The following MCPH1 variants were observed in gnomAD, a reference collection of about 807,000 sequenced individuals.
MCPH1 encodes the protein microcephalin.
A neutral mutation model predicts 84.5 loss-of-function variants in MCPH1; 104 were observed. That is an observed-to-expected ratio of 1.23 (90% CI 1.05 to 1.45). The LOEUF (loss-of-function observed/expected upper bound fraction) is 1.45. Among genes scored for constraint, MCPH1 ranks in the 40% most tolerant of loss-of-function variants. MCPH1 has a pLI of 0.00. For synonymous variants in MCPH1, 514 were observed against 366.8 expected, an observed-to-expected ratio of 1.40 and a Z score of -4.58; for missense variants, 1,498 against 1,005.7, an observed-to-expected ratio of 1.49 and a Z score of -6.62.
intron 8 of MCPH1, among the ~76,000 whole-genome samples, chr8:6,448,630 T>C (rs1391926097): frequency 6.6e-6 from 1 of 152,222 alleles, no homozygotes; most frequent in African/African-American, 2.4e-5. Context: ...ACATTTCTTG[T>C]GTGTGTGTCT....
intron 12 of MCPH1, among the ~76,000 whole-genome samples, chr8:6,543,012 G>A (rs367956503): frequency 6.6e-6 from 1 of 152,190 alleles, no homozygotes; most frequent in Admixed American, 6.5e-5. Context: ...GAGCGGACTT[G>A]GGAATGCTGA....
Position 6,419,049 on chromosome 8 carries a change from A to G in MCPH1, c.233+4166A>G, listed in dbSNP as rs78632079. Among the ~76,000 whole-genome samples, 650 of 151,974 alleles carry G rather than the reference A, an allele frequency of 4.3e-3. 6 individuals carry two copies. Among genetic ancestry groups the G allele is most frequent in the African/African-American group, 0.015 (624 of 41,374 alleles). ...GTTTTGCTTTTCTTCTGGGACTCCA[A>G]TTATGTTTACGTTGGGCCTGCTTAG... On this transcript the variant is annotated intron_variant, in intron 3 of 13. Transcript: ENST00000344683.
chr8:6,439,301 G>C, intron 6 of MCPH1, among the ~76,000 whole-genome samples: 1 of 150,424 alleles, frequency 6.6e-6, no homozygotes, highest in Non-Finnish European at 1.5e-5. Flanking sequence ...TATTCTTCAA[G>C]TTTAAAATCC....
intron 12 of MCPH1, among the ~76,000 whole-genome samples, chr8:6,536,892 C>T (rs533120276): frequency 6.6e-6 from 1 of 150,716 alleles, no homozygotes; most frequent in East Asian, 2.0e-4. Flanking sequence ...TTTTTACTGG[C>T]TGTGACTGAA....
At chr8:6,465,723 C>G (rs979590046) in intron 9 of MCPH1, among the ~76,000 whole-genome samples, 1 of 152,150 alleles carries the variant, frequency 6.6e-6, no homozygotes, top group African/African-American at 2.4e-5. Context: ...CCACTGACAT[C>G]AGAGACTCAT....
At chr8:6,434,789 G>T (rs1040903767) in intron 4 of MCPH1, among the ~76,000 whole-genome samples, 2 of 152,164 alleles carry the variant, frequency 1.3e-5, no homozygotes, top group Non-Finnish European at 2.9e-5. Flanking sequence ...AGCAAATTTG[G>T]GCTGGTAGCT....
At chr8:6,641,679 G>C (rs937377670) in intron 13 of MCPH1, among the ~76,000 whole-genome samples, 2 of 152,188 alleles carry the variant, frequency 1.3e-5, no homozygotes, top group African/African-American at 4.8e-5. Flanking sequence ...AGGAGACTGA[G>C]GCTGCAGTGA....
Position 6,499,894 on chromosome 8 carries a change from C to G in MCPH1, c.2179C>G (p.Pro727Ala). The change falls in exon 12 of 14, where the codon CCG (proline) becomes GCG (alanine). Residue 727 changes from proline to alanine, a missense_variant. By Grantham distance (27) the Pro-to-Ala change is conservative. Transcript: ENST00000344683. ...LELGHWISEEPFELSHHFPAA... is the reference protein window; with the variant it reads ...LELGHWISEEAFELSHHFPAA... The stretch of plus-strand genomic sequence containing the variant: ...ATTGGGTCACTGGATTTCTGAGGAG[C>G]CGTTCGAACTGTCTCACCACTTCCC... 4.3e-6 allele frequency: 7 copies of G among 1,613,556 alleles called. No individual in the cohort carries two copies. The highest frequency in any genetic ancestry group is 5.9e-6 in the Non-Finnish European group (7 of 1,179,998).
rs183223428 is a variant in MCPH1 at position 6,582,332 on chromosome 8, T to C, written c.2215-39122T>C. The stretch of plus-strand genomic sequence containing the variant: ...TCTCTTTCAATCCTCATAGTAACTC[T>C]TCAACATAGGTAGCCTTATTTTGCA... On this transcript the variant is annotated intron_variant, in intron 12 of 13. Transcript: ENST00000344683. 1.9e-3 allele frequency among the ~76,000 whole-genome samples: 297 copies of C among 152,328 alleles called. 1 individual carries two copies. Among genetic ancestry groups the C allele is most frequent in the African/African-American group, 6.9e-3 (287 of 41,572 alleles).
intron 1 of MCPH1, among the ~76,000 whole-genome samples, chr8:6,407,661 A>G (rs912434662): frequency 2.0e-5 from 3 of 152,156 alleles, no homozygotes; most frequent in Non-Finnish European, 4.4e-5. Context: ...TATTTTTCTA[A>G]TGTTAGTATT....
chr8:6,439,624 T>C (rs1366860539), intron 6 of MCPH1, among the ~76,000 whole-genome samples: 2 of 152,022 alleles, frequency 1.3e-5, no homozygotes, highest in East Asian at 3.9e-4. Flanking sequence ...CTTAAACTCT[T>C]AACCTCAGGT....
intron 3 of MCPH1, among the ~76,000 whole-genome samples, chr8:6,415,528 A>AT (rs1263427844): frequency 1.3e-5 from 2 of 151,830 alleles, no homozygotes; most frequent in Non-Finnish European, 2.9e-5. Flanking sequence ...TAATTTTTGC[A>AT]TTTTTGGTAG....
chr8:6,504,358 G>A (rs773803304), intron 12 of MCPH1, among the ~76,000 whole-genome samples: 2 of 147,764 alleles, frequency 1.4e-5, no homozygotes, highest in African/African-American at 5.0e-5. Flanking sequence ...ACCTTAAATT[G>A]CATGCCGTTC....
chr8:6,603,331 G>A (rs1293735100), intron 12 of MCPH1, among the ~76,000 whole-genome samples: 1 of 151,936 alleles, frequency 6.6e-6, no homozygotes, highest in East Asian at 1.9e-4. Context: ...AATGCATAGG[G>A]GCATGAGTGA....
rs117148424 is a variant in MCPH1, at chr8:6,464,697, A to T, written c.1935+9445A>T. Among the ~76,000 whole-genome samples the T allele has an allele frequency of 5.3e-3, 807 of 152,306 alleles. 2 individuals carry two copies. Among genetic ancestry groups the T allele is most frequent in the Non-Finnish European group, 8.4e-3 (574 of 68,010 alleles). On this transcript the variant is annotated intron_variant, in intron 9 of 13. Transcript: ENST00000344683. ...AGAGAGGAGCTAGCCGAAGAAGTCTATTTAAGATCTGCTGCTTTGGCCAGG... is the reference window on the plus strand; with the variant it reads ...AGAGAGGAGCTAGCCGAAGAAGTCTTTTTAAGATCTGCTGCTTTGGCCAGG...
chr8:6,537,404 G>A (rs1820701702), intron 12 of MCPH1, among the ~76,000 whole-genome samples: 1 of 151,986 alleles, frequency 6.6e-6, no homozygotes, highest in Non-Finnish European at 1.5e-5. Flanking sequence ...TTAACATTGA[G>A]GGCCACAGTG....
At chr8:6,431,124 C>T (rs982095654) in intron 3 of MCPH1, among the ~76,000 whole-genome samples, 1 of 152,100 alleles carries the variant, frequency 6.6e-6, no homozygotes, top group East Asian at 1.9e-4. Context: ...CTTTACGTCC[C>T]TTCTACCTCT....
chr8:6,564,480 A>C (rs1002127359), intron 12 of MCPH1, among the ~76,000 whole-genome samples: 14 of 152,194 alleles, frequency 9.2e-5, no homozygotes, highest in African/African-American at 3.4e-4. Flanking sequence ...AAGTTCTGCA[A>C]GTCACTTCCT....
Position 6,414,809 on chromosome 8 carries a change from A to T in MCPH1, c.159A>T (p.Lys53Asn). ...AACAAGTAACTCACGTTATCTTCAA[A>T]GATGGCTACCAGAGCACTTGGGACA... Reference protein sequence around the residue: ...FNKQVTHVIFKDGYQSTWDKA... With the variant: ...FNKQVTHVIFNDGYQSTWDKA... The change falls in exon 3 of 14, where the codon AAA becomes AAT. Residue 53 changes from lysine (K) to asparagine (N), a missense_variant. Physicochemically the swap from Lys to Asn is moderately conservative, Grantham distance 94 (BLOSUM62 0). Transcript: ENST00000344683. 1 of 1,613,934 alleles carries T rather than the reference A, an allele frequency of 6.2e-7. No homozygotes were observed.
Sources: gnomAD v4.1 joint callset for allele counts (sites outside exome capture counted in the v4.1 genomes callset) on GRCh38, gnomAD v4.1.1 for gene constraint, MANE v1.5 for transcripts, NCBI Gene and HGNC (gene_info 2026-07-23, HGNC 2026-07-21) for gene names.